The following CDH4 variants were observed in gnomAD, a reference collection of about 807,000 sequenced individuals.
CDH4 encodes cadherin 4, also known as cadherin-4.
Under a neutral mutation model 86.0 loss-of-function variants are expected in CDH4, and 33 were observed. The observed-to-expected ratio is 0.38, with a 90% CI of 0.29 to 0.51. CDH4 has a LOEUF of 0.51. Among genes scored for constraint, CDH4 ranks in the 20% least tolerant of loss-of-function variants. The pLI is 0.86. For missense variants in CDH4, 1,114 were observed against 1,307.4 expected, an observed-to-expected ratio of 0.85 and a Z score of 2.28; for synonymous variants, 555 against 549.4, an observed-to-expected ratio of 1.01 and a Z score of -0.14.
chr20:61,422,977 GT>G (rs1180533725), intron 2 of CDH4, among the ~76,000 whole-genome samples: 2 of 152,202 alleles, frequency 1.3e-5, no homozygotes, highest in Non-Finnish European at 2.9e-5. Context: ...ACCTTACACG[GT>G]GTGGGAGAAG....
chr20:61,867,566 A>AGG (rs1189218057), intron 6 of CDH4, among the ~76,000 whole-genome samples: 2 of 146,434 alleles, frequency 1.4e-5, no homozygotes, highest in African/African-American at 5.0e-5. Context: ...AAAAAAAGAG[A>AGG]GAGAGAGAGC....
At position 61,858,609 on chromosome 20, in the gene CDH4, G is replaced by A. The variant is rs372743929; in HGVS notation, c.877+5711G>A. Among the ~76,000 whole-genome samples, 12 of 152,272 alleles carry A rather than the reference G, an allele frequency of 7.9e-5. No homozygotes were observed. In the East Asian group the frequency reaches 2.1e-3, roughly 27 times the overall value. On this transcript the variant is annotated intron_variant, in intron 6 of 15. Coordinates refer to ENST00000614565, the MANE Select transcript of CDH4 (RefSeq NM_001794.5). ...ATCAACCCTAACCTGTGGCAACCAC[G>A]ACTCTATTTTCATCTGTAGTGTTGT... is the stretch of plus-strand genomic sequence containing the variant.
At chr20:61,850,044 G>C (rs530972566) in intron 5 of CDH4, among the ~76,000 whole-genome samples, 1 of 152,206 alleles carries the variant, frequency 6.6e-6, no homozygotes, top group African/African-American at 2.4e-5. Flanking sequence ...ACTGTGACAC[G>C]TGTCACCCTA....
intron 9 of CDH4, among the ~76,000 whole-genome samples, chr20:61,915,113 A>G (rs2054890369): frequency 1.3e-5 from 2 of 152,196 alleles, no homozygotes. Context: ...CATTTCACAG[A>G]TGGCATAACT....
intron 4 of CDH4, among the ~76,000 whole-genome samples, chr20:61,787,357 T>A (rs12481422): frequency 6.6e-6 from 1 of 152,196 alleles, no homozygotes; most frequent in Admixed American, 6.5e-5. Context: ...AATATGCCCT[T>A]CTTCACATGA....
intron 2 of CDH4, among the ~76,000 whole-genome samples, chr20:61,416,692 T>C (rs1892316): frequency 0.86 from 130,214 of 152,206 alleles, 56,001 homozygotes; most frequent in East Asian, 1. Flanking sequence ...ACCCCAGCTC[T>C]GCTCAGACCA....
chr20:61,823,559 TGAG>T (rs944877525), intron 4 of CDH4, among the ~76,000 whole-genome samples: 26 of 152,274 alleles, frequency 1.7e-4, no homozygotes, highest in African/African-American at 6.0e-4. Flanking sequence ...ACTTTATAGA[TGAG>T]GAGACCAAGA....
intron 9 of CDH4, among the ~76,000 whole-genome samples, chr20:61,919,517 G>C (rs1251949576): frequency 6.6e-6 from 1 of 152,258 alleles, no homozygotes; most frequent in Non-Finnish European, 1.5e-5. Flanking sequence ...TGGCCTGCCT[G>C]CCTGCAGGTG....
chr20:61,332,099 A>G (rs1458491168), intron 2 of CDH4, among the ~76,000 whole-genome samples: 2 of 152,158 alleles, frequency 1.3e-5, no homozygotes, highest in Non-Finnish European at 2.9e-5. Flanking sequence ...CAGACACTCG[A>G]CAGCGATGCC....
chr20:61,660,735 G>C (rs1026398304), intron 2 of CDH4, among the ~76,000 whole-genome samples: 1 of 152,104 alleles, frequency 6.6e-6, no homozygotes, highest in African/African-American at 2.4e-5. Context: ...GGGCCACCCG[G>C]GTTTTGTTTG....
chr20:61,429,663 GTGGGTGGATGGATGGGTGGATAGA>G (rs1003663276), intron 2 of CDH4, among the ~76,000 whole-genome samples: 23 of 151,020 alleles, frequency 1.5e-4, no homozygotes, highest in South Asian at 2.1e-4. Context: ...GGATGGATGG[GTGGGTGGATGGATGGGTGGATAGA>G]TGGGTGGATG....
At position 61,649,306 on chromosome 20, in the gene CDH4, G is replaced by A. The variant is rs186503746; in HGVS notation, c.170-94257G>A. Among the ~76,000 whole-genome samples, 18 of 152,346 alleles carry A rather than the reference G, an allele frequency of 1.2e-4. 1 individual carries two copies. Among genetic ancestry groups the A allele is most frequent in the East Asian group, 9.7e-4 (5 of 5,172 alleles). ...CAGAGCCCAGGGTCAAGAGGAGCACGTCTGGCAGAGAGTTCAAAGAGGCGT... is the reference window on the plus strand; with the variant it reads ...CAGAGCCCAGGGTCAAGAGGAGCACATCTGGCAGAGAGTTCAAAGAGGCGT... On this transcript the variant is annotated intron_variant, in intron 2 of 15. Coordinates refer to ENST00000614565, the MANE Select transcript of CDH4 (RefSeq NM_001794.5).
intron 2 of CDH4, among the ~76,000 whole-genome samples, chr20:61,450,699 G>T (rs901868293): frequency 2.6e-5 from 4 of 151,878 alleles, no homozygotes; most frequent in Non-Finnish European, 5.9e-5. Context: ...GGACTTCTCA[G>T]GGCCTGGATC....
intron 2 of CDH4, among the ~76,000 whole-genome samples, chr20:61,602,223 C>A (rs1233132753): frequency 1.3e-5 from 2 of 152,162 alleles, no homozygotes; most frequent in Admixed American, 6.5e-5. Flanking sequence ...TCGCTGACAC[C>A]CCAAAGCACA....
intron 4 of CDH4, among the ~76,000 whole-genome samples, chr20:61,842,680 T>C (rs1184489829): frequency 6.7e-6 from 1 of 150,026 alleles, no homozygotes; most frequent in Admixed American, 6.7e-5. Context: ...TCCTGAGGAC[T>C]TTTCCCCTAA....
chr20:61,652,355 C>T (rs577849725), intron 2 of CDH4, among the ~76,000 whole-genome samples: 1 of 151,022 alleles, frequency 6.6e-6, no homozygotes, highest in Non-Finnish European at 1.5e-5. Flanking sequence ...CTAAATAGCA[C>T]GAGGCTTGGT....
At chr20:61,892,289 C>T (rs1405373979) in intron 7 of CDH4, among the ~76,000 whole-genome samples, 1 of 152,184 alleles carries the variant, frequency 6.6e-6, no homozygotes, top group Non-Finnish European at 1.5e-5. Context: ...GCTTCTGTTG[C>T]CACCACAATC....
rs1437273753 is a variant in CDH4 at position 61,939,744 on chromosome 20, G to GCAAA, written c.*2804_*2807dup. 2 of 152,386 alleles carry GCAAA rather than the reference G, an allele frequency of 1.3e-5. No individual in the cohort carries two copies. Among genetic ancestry groups the GCAAA allele is most frequent in the African/African-American group, 4.8e-5 (2 of 41,592 alleles). 9.4% of individuals were successfully genotyped at this position (152,386 alleles called of 1,614,324 possible). ...GGTTCCTTTAGGGAATTTTTGTTTT[G>GCAAA]CAAACAGGAGAAACCTGTGCTGCAG... On this transcript the variant is annotated 3_prime_UTR_variant, in exon 16 of 16. Transcript: ENST00000614565.
At chr20:61,479,264 A>G (rs996319780) in intron 2 of CDH4, among the ~76,000 whole-genome samples, 1 of 151,936 alleles carries the variant, frequency 6.6e-6, no homozygotes, top group African/African-American at 2.4e-5. Context: ...GGTTTGTTAC[A>G]TATGTATACA....
Sources: allele counts gnomAD v4.1 joint callset (sites outside exome capture counted in the v4.1 genomes callset), GRCh38; gene constraint gnomAD v4.1.1; transcripts MANE v1.5; gene names NCBI Gene and HGNC (gene_info 2026-07-23, HGNC 2026-07-21).